Variants in TMEM135 observed in about 807,000 individuals in gnomAD.
TMEM135 encodes peroxisomal membrane protein 52.
In TMEM135, 30 loss-of-function variants were observed where a neutral mutation model predicts 60.3. That is an observed-to-expected ratio of 0.50 (90% CI 0.37 to 0.68). The LOEUF is 0.68. Ranked by LOEUF, TMEM135 falls within the 30% of genes least tolerant of loss-of-function variation. The pLI is 0.00. For missense variants in TMEM135, 468 were observed against 548.8 expected, an observed-to-expected ratio of 0.85 and a Z score of 1.47; for synonymous variants, 190 against 186.7, an observed-to-expected ratio of 1.02 and a Z score of -0.14.
intron 5 of TMEM135, among the ~76,000 whole-genome samples, chr11:87,159,325 A>G (rs529564): frequency 0.24 from 36,342 of 152,138 alleles, 5,141 homozygotes; most frequent in East Asian, 0.61. Context: ...CATAGTTACC[A>G]TCTGCTATTC....
At chr11:87,225,215 G>T (rs1591118073) in intron 5 of TMEM135, among the ~76,000 whole-genome samples, 1 of 152,184 alleles carries the variant, frequency 6.6e-6, no homozygotes, top group African/African-American at 2.4e-5. Context: ...GACAGCTCAT[G>T]GGCTTTGGAA....
intron 6 of TMEM135, among the ~76,000 whole-genome samples, chr11:87,249,951 G>T (rs1271800629): frequency 2.6e-5 from 4 of 151,990 alleles, no homozygotes; most frequent in Non-Finnish European, 5.9e-5. Context: ...TTTGCTGGGA[G>T]GCTTTTTATT....
intron 3 of TMEM135, among the ~76,000 whole-genome samples, chr11:87,084,347 A>T (rs550632374): frequency 6.6e-6 from 1 of 150,692 alleles, no homozygotes; most frequent in South Asian, 2.1e-4. Flanking sequence ...TTCACTTGTC[A>T]TCTAGGCTAG....
intron 4 of TMEM135, among the ~76,000 whole-genome samples, chr11:87,132,987 A>G (rs1937980323): frequency 6.6e-6 from 1 of 152,202 alleles, no homozygotes; most frequent in Non-Finnish European, 1.5e-5. Context: ...TTACTCAAAT[A>G]CATGCACCAT....
chr11:87,071,366 A>T (rs12279650), intron 2 of TMEM135, among the ~76,000 whole-genome samples, 157 bp from the exon 3 acceptor site: 1 of 152,152 alleles, frequency 6.6e-6, no homozygotes, highest in Non-Finnish European at 1.5e-5. Context: ...TCATGGGGCT[A>T]GGGGAGACAG....
intron 6 of TMEM135, among the ~76,000 whole-genome samples, chr11:87,276,269 T>C (rs1941964333): frequency 6.6e-6 from 1 of 152,168 alleles, no homozygotes. Flanking sequence ...TGTATAATAT[T>C]CTTTAGTTTT....
chr11:87,299,950 G>A (rs1241257046), intron 7 of TMEM135, among the ~76,000 whole-genome samples: 1 of 152,042 alleles, frequency 6.6e-6, no homozygotes, highest in African/African-American at 2.4e-5. Context: ...GGGGCGAGTG[G>A]GAATGAGAGA....
intron 6 of TMEM135, among the ~76,000 whole-genome samples, chr11:87,272,873 A>T (rs544231656): frequency 6.6e-6 from 1 of 152,276 alleles, no homozygotes; most frequent in African/African-American, 2.4e-5. Context: ...TTATTTTGGT[A>T]TGTAGAGCTC....
intron 1 of TMEM135, among the ~76,000 whole-genome samples, chr11:87,062,432 C>T (rs1354033948): frequency 4.9e-5 from 3 of 61,020 alleles, no homozygotes; most frequent in Admixed American, 1.5e-4. Flanking sequence ...CCCCCCCCCC[C>T]GCATAGATGT....
At chr11:87,260,286 T>C (rs1039410417) in intron 6 of TMEM135, among the ~76,000 whole-genome samples, 5 of 152,228 alleles carry the variant, frequency 3.3e-5, no homozygotes, top group African/African-American at 1.2e-4. Flanking sequence ...TTGTTGTATT[T>C]GATAATTCCA....
chr11:87,098,728 G>A (rs910373494), intron 4 of TMEM135, among the ~76,000 whole-genome samples: 9 of 151,226 alleles, frequency 6.0e-5, no homozygotes, highest in Non-Finnish European at 8.8e-5. Context: ...TTGCTCTGTC[G>A]CCCAGGCTGC....
chr11:87,320,603 T>C lies in TMEM135; in HGVS notation c.1245-598T>C, dbSNP rs142525187. 5.6e-3 allele frequency among the ~76,000 whole-genome samples: 855 copies of C among 152,276 alleles called. 3 individuals are homozygous for C. Among genetic ancestry groups the C allele is most frequent in the Middle Eastern group, 0.01 (3 of 294 alleles). On this transcript the variant is annotated intron_variant, in intron 14 of 14. Coordinates refer to ENST00000305494, the MANE Select transcript of TMEM135 (RefSeq NM_022918.4). ...GTCTATCCTGTACATTAGCTAAATT[T>C]GTGTGTTTAAAAAATGTTATATATC...
At chr11:87,207,047 T>A (rs655951) in intron 5 of TMEM135, among the ~76,000 whole-genome samples, 19,813 of 152,168 alleles carry the variant, frequency 0.13, 1,340 homozygotes, top group Non-Finnish European at 0.15. Flanking sequence ...GCTGCCAAAG[T>A]GGTAGCTAGC....
chr11:87,189,443 G>A (rs529430605), intron 5 of TMEM135, among the ~76,000 whole-genome samples: 2 of 152,136 alleles, frequency 1.3e-5, no homozygotes, highest in East Asian at 1.9e-4. Context: ...TTACAAGCGT[G>A]AGCCACCGTG....
chr11:87,172,127 T>A (rs1333691374), intron 5 of TMEM135, among the ~76,000 whole-genome samples: 1 of 152,148 alleles, frequency 6.6e-6, no homozygotes, highest in East Asian at 1.9e-4. Context: ...TCTTCAAAAC[T>A]ATAGGTACCT....
At chr11:87,172,091 C>T (rs935506333) in intron 5 of TMEM135, among the ~76,000 whole-genome samples, 1 of 152,088 alleles carries the variant, frequency 6.6e-6, no homozygotes, top group African/African-American at 2.4e-5. Flanking sequence ...TAAACTTTCA[C>T]CGAGCTTGAG....
At position 87,221,926 on chromosome 11, in the gene TMEM135, C is replaced by T. The variant is rs185635659; in HGVS notation, c.463-14712C>T. On this transcript the variant is annotated intron_variant, in intron 5 of 14. Coordinates refer to ENST00000305494, the MANE Select transcript of TMEM135 (RefSeq NM_022918.4). The stretch of plus-strand genomic sequence containing the variant: ...TTAAAATTGGGCTGGGGCCCGGCAC[C>T]GTGGTACACACCTGTAATCCCAGAA... 2.0e-3 allele frequency among the ~76,000 whole-genome samples: 311 copies of T among 152,146 alleles called. 5 individuals are homozygous for T. Among genetic ancestry groups the T allele is most frequent in the East Asian group, 2.1e-3 (11 of 5,168 alleles).
At chr11:87,200,236 A>T (rs1024721790) in intron 5 of TMEM135, among the ~76,000 whole-genome samples, 1 of 152,194 alleles carries the variant, frequency 6.6e-6, no homozygotes, top group Non-Finnish European at 1.5e-5. Context: ...TGTAATTAAC[A>T]TGAACCTTCA....
intron 4 of TMEM135, among the ~76,000 whole-genome samples, chr11:87,106,039 C>T (rs1857586267): frequency 1.3e-5 from 2 of 152,000 alleles, no homozygotes. Context: ...ATCTTTTGTG[C>T]CTGGCTTTTT....
Sources: gnomAD v4.1 joint callset for allele counts (sites outside exome capture counted in the v4.1 genomes callset) on GRCh38, gnomAD v4.1.1 for gene constraint, MANE v1.5 for transcripts, NCBI Gene and HGNC (gene_info 2026-07-23, HGNC 2026-07-21) for gene names.